ARHGAP15: variants seen among roughly 807,000 people sequenced by gnomAD.
ARHGAP15 encodes rho GTPase-activating protein 15.
In ARHGAP15, 51 loss-of-function variants were observed where a neutral mutation model predicts 63.7. The ratio of observed to expected loss-of-function variants is 0.80; its 90% CI spans 0.64 to 1.01. The LOEUF is 1.01. ARHGAP15 is among the 50% of genes least tolerant of loss of function. ARHGAP15 has a pLI of 0.00. For synonymous variants in ARHGAP15, 191 were observed against 193.8 expected (o/e 0.99, Z 0.12); for missense variants, 560 against 564.6 (o/e 0.99, Z 0.08).
At chr2:143,414,507 C>G (rs1688596050) in intron 6 of ARHGAP15, among the ~76,000 whole-genome samples, 1 of 151,790 alleles carries the variant, frequency 6.6e-6, no homozygotes, top group Non-Finnish European at 1.5e-5. Flanking sequence ...GAAATTTTCT[C>G]AATAGAAAAA....
chr2:143,174,112 G>A (rs1207417172), intron 2 of ARHGAP15, among the ~76,000 whole-genome samples: 2 of 151,982 alleles, frequency 1.3e-5, no homozygotes, highest in Non-Finnish European at 2.9e-5. Flanking sequence ...GTCACTGCTA[G>A]CAATCCTCCT....
chr2:143,695,436 G>A (rs925904333), intron 12 of ARHGAP15, among the ~76,000 whole-genome samples: 14 of 152,194 alleles, frequency 9.2e-5, no homozygotes, highest in Admixed American at 3.3e-4. Flanking sequence ...ACTGCCTTAC[G>A]CTCCAATTCA....
chr2:143,765,107 A>ATGTGTGTG (rs1491302215), intron 13 of ARHGAP15, among the ~76,000 whole-genome samples: 12 of 110,324 alleles, frequency 1.1e-4, no homozygotes, highest in African/African-American at 5.3e-4. Flanking sequence ...TGCCTCTAAA[A>ATGTGTGTG]TATGTGTGTG....
intron 2 of ARHGAP15, among the ~76,000 whole-genome samples, chr2:143,195,626 T>TA (rs1211527394): frequency 6.6e-6 from 1 of 152,176 alleles, no homozygotes; most frequent in African/African-American, 2.4e-5. Flanking sequence ...ACTGTAGAGA[T>TA]AAAAACTAAA....
At chr2:143,255,538 T>A (rs1442277922) in intron 6 of ARHGAP15, among the ~76,000 whole-genome samples, 1 of 152,144 alleles carries the variant, frequency 6.6e-6, no homozygotes, top group African/African-American at 2.4e-5. Flanking sequence ...TTGATCTTTC[T>A]GATCTGAATA....
chr2:143,512,615 A>C (rs1418745076), intron 9 of ARHGAP15, among the ~76,000 whole-genome samples: 2 of 152,252 alleles, frequency 1.3e-5, no homozygotes, highest in Non-Finnish European at 2.9e-5. Flanking sequence ...ACGTTTGTCC[A>C]ATGCTACATC....
At chr2:143,311,113 C>T (rs1030359149) in intron 6 of ARHGAP15, among the ~76,000 whole-genome samples, 7 of 151,780 alleles carry the variant, frequency 4.6e-5, no homozygotes, top group South Asian at 4.2e-4. Flanking sequence ...TTTACTGTAA[C>T]CTTATACAAA....
chr2:143,183,436 G>GA (rs1691314373), intron 2 of ARHGAP15, among the ~76,000 whole-genome samples: 1 of 152,104 alleles, frequency 6.6e-6, no homozygotes, highest in Admixed American at 6.5e-5. Context: ...TGGGTAGTGG[G>GA]AACAACAATC....
chr2:143,587,711 A>G (rs1325635693), intron 11 of ARHGAP15: 3 of 470,158 alleles, frequency 6.4e-6, no homozygotes, highest in Non-Finnish European at 1.3e-5. Flanking sequence ...CAGCCCTTCT[A>G]TCAGAACTGG....
intron 11 of ARHGAP15, 106 bp from the exon 12 acceptor site, chr2:143,624,027 C>T (rs997886135): frequency 8.3e-5 from 113 of 1,361,466 alleles, no homozygotes; most frequent in Non-Finnish European, 1.0e-4. Context: ...GTGCAGAAGG[C>T]TGTTAACGGT....
At chr2:143,682,230 G>A (rs1683129955) in intron 12 of ARHGAP15, among the ~76,000 whole-genome samples, 1 of 151,768 alleles carries the variant, frequency 6.6e-6, no homozygotes, top group African/African-American at 2.4e-5. Flanking sequence ...CTTGGTAAAT[G>A]TTACTCTCTT....
intron 6 of ARHGAP15, among the ~76,000 whole-genome samples, chr2:143,363,623 C>T (rs1025260779): frequency 6.6e-6 from 1 of 152,118 alleles, no homozygotes; most frequent in Non-Finnish European, 1.5e-5. Flanking sequence ...AAAAAGTAGC[C>T]ACTTAGTCAT....
At chr2:143,687,714 T>G (rs1197450285) in intron 12 of ARHGAP15, among the ~76,000 whole-genome samples, 1 of 152,230 alleles carries the variant, frequency 6.6e-6, no homozygotes, top group Non-Finnish European at 1.5e-5. Context: ...TCTTTTGGCA[T>G]AGACCAAACT....
intron 10 of ARHGAP15, among the ~76,000 whole-genome samples, chr2:143,545,573 CTG>C (rs1695295717): frequency 1.3e-5 from 2 of 151,822 alleles, no homozygotes; most frequent in African/African-American, 4.8e-5. Flanking sequence ...TGTATTGTGT[CTG>C]TGTATTTGTG....
chr2:143,266,195 G>A lies in ARHGAP15; in HGVS notation c.474+15595G>A, dbSNP rs180746925. Among the ~76,000 whole-genome samples, 127 of 152,158 alleles carry A rather than the reference G, an allele frequency of 8.3e-4. 1 individual carries two copies. Among genetic ancestry groups the A allele is most frequent in the Admixed American group, 7.9e-4 (12 of 15,274 alleles). On this transcript the variant is annotated intron_variant, in intron 6 of 13. Transcript: ENST00000295095. ...ACTATTTCCCATTGTTTCCCACTAAGTCCTTTGTTCCACAGTTACTTTAAA... is the reference window on the plus strand; with the variant it reads ...ACTATTTCCCATTGTTTCCCACTAAATCCTTTGTTCCACAGTTACTTTAAA...
chr2:143,435,996 T>A (rs1207847198), intron 7 of ARHGAP15, among the ~76,000 whole-genome samples: 1 of 119,890 alleles, frequency 8.3e-6, no homozygotes, highest in Non-Finnish European at 1.7e-5. Flanking sequence ...TAACTACTGA[T>A]TTTTTTTTCA....
intron 10 of ARHGAP15, chr2:143,533,237 T>C (rs758196198): frequency 6.6e-6 from 1 of 152,212 alleles, no homozygotes; most frequent in Non-Finnish European, 1.5e-5. Context: ...AAGATTTTTT[T>C]AACAAATGTT....
Position 143,170,452 on chromosome 2 carries a change from G to A in ARHGAP15, c.165+14797G>A, listed in dbSNP as rs138294997. ...CACTGCCACCAACAAATACATGATTGGACTGAGATGTGACTTTAAAGATAC... is the reference window on the plus strand; with the variant it reads ...CACTGCCACCAACAAATACATGATTAGACTGAGATGTGACTTTAAAGATAC... On this transcript the variant is annotated intron_variant, in intron 2 of 13. Coordinates refer to ENST00000295095, the MANE Select transcript of ARHGAP15 (RefSeq NM_018460.4). 1.4e-3 allele frequency among the ~76,000 whole-genome samples: 215 copies of A among 152,200 alleles called. 7 individuals carry two copies. The highest frequency in any genetic ancestry group is 0.012 in the Admixed American group (181 of 15,264).
At chr2:143,754,707 G>A (rs1369271496) in intron 13 of ARHGAP15, among the ~76,000 whole-genome samples, 1 of 152,122 alleles carries the variant, frequency 6.6e-6, no homozygotes, top group African/African-American at 2.4e-5. Flanking sequence ...ACTTACGTGG[G>A]ACCTCATCAA....
Sources: allele counts gnomAD v4.1 joint callset (sites outside exome capture counted in the v4.1 genomes callset), GRCh38; gene constraint gnomAD v4.1.1; transcripts MANE v1.5; gene names NCBI Gene and HGNC (gene_info 2026-07-23, HGNC 2026-07-21).